ADCY8: variants seen among roughly 807,000 people sequenced by gnomAD.
ADCY8 encodes adenylate cyclase 8.
Under a neutral mutation model 119.7 loss-of-function variants are expected in ADCY8, and 51 were observed. That is an observed-to-expected ratio of 0.43 (90% CI 0.34 to 0.54). The LOEUF (loss-of-function observed/expected upper bound fraction) is 0.54. Among genes scored for constraint, ADCY8 ranks in the 20% least tolerant of loss-of-function variants. The pLI is 0.03. For synonymous variants in ADCY8, 665 were observed against 651.0 expected, an observed-to-expected ratio of 1.02 and a Z score of -0.33; for missense variants, 1,383 against 1,598.8, an observed-to-expected ratio of 0.87 and a Z score of 2.30.
At chr8:130,799,356 C>T (rs537407884) in intron 15 of ADCY8, among the ~76,000 whole-genome samples, 16 of 152,152 alleles carry the variant, frequency 1.1e-4, no homozygotes, top group African/African-American at 3.6e-4. Context: ...AATCATTCCA[C>T]GATGTACACA....
intron 2 of ADCY8, among the ~76,000 whole-genome samples, chr8:130,952,453 A>C (rs903080244): frequency 8.5e-5 from 13 of 152,194 alleles, no homozygotes; most frequent in African/African-American, 3.1e-4. Context: ...TGTGTAGTGC[A>C]ATGAGAAATC....
intron 7 of ADCY8, among the ~76,000 whole-genome samples, chr8:130,900,186 T>C (rs1232390523): frequency 6.6e-6 from 1 of 152,110 alleles, no homozygotes; most frequent in African/African-American, 2.4e-5. Flanking sequence ...AGAGCAAAAC[T>C]TGGATACCAG....
chr8:130,820,226 A>T (rs1295231395), intron 13 of ADCY8, among the ~76,000 whole-genome samples: 1 of 152,068 alleles, frequency 6.6e-6, no homozygotes, highest in African/African-American at 2.4e-5. Context: ...ATTACAAATA[A>T]CTTTAATTAT....
intron 7 of ADCY8, among the ~76,000 whole-genome samples, chr8:130,897,317 T>C (rs964297639): frequency 1.3e-5 from 2 of 152,122 alleles, no homozygotes; most frequent in African/African-American, 4.8e-5. Flanking sequence ...CCAGCTGGAA[T>C]TGGTGAAGAT....
At chr8:130,972,808 AT>A (rs1821961944) in intron 2 of ADCY8, among the ~76,000 whole-genome samples, 1 of 150,826 alleles carries the variant, frequency 6.6e-6, no homozygotes, top group African/African-American at 2.4e-5. Flanking sequence ...GTTTCAGTAC[AT>A]TTTCTAGCTG....
chr8:130,970,855 G>A (rs1459207047), intron 2 of ADCY8, among the ~76,000 whole-genome samples: 1 of 152,192 alleles, frequency 6.6e-6, no homozygotes, highest in East Asian at 1.9e-4. Context: ...GTTATTCTGA[G>A]TGTCCAATGA....
chr8:130,953,059 T>A (rs1821321373), intron 2 of ADCY8, among the ~76,000 whole-genome samples: 1 of 152,236 alleles, frequency 6.6e-6, no homozygotes, highest in African/African-American at 2.4e-5. Context: ...AATTAAATTC[T>A]AAAAAGTCTT....
intron 1 of ADCY8, among the ~76,000 whole-genome samples, chr8:131,028,271 C>G (rs550267135): frequency 5.2e-4 from 79 of 152,364 alleles, no homozygotes; most frequent in Non-Finnish European, 8.4e-4. Context: ...CACAGCTTCT[C>G]TCTGGCTGAG....
intron 1 of ADCY8, among the ~76,000 whole-genome samples, chr8:131,014,097 C>T (rs185759301): frequency 6.6e-6 from 1 of 152,236 alleles, no homozygotes; most frequent in Non-Finnish European, 1.5e-5. Context: ...AGTGGTCTCC[C>T]AATACTCCTT....
intron 2 of ADCY8, among the ~76,000 whole-genome samples, chr8:130,967,013 C>A (rs1219014436): frequency 6.6e-6 from 1 of 152,048 alleles, no homozygotes; most frequent in Non-Finnish European, 1.5e-5. Flanking sequence ...GAATAGACCT[C>A]ATATGTGAAA....
At chr8:130,969,839 A>T (rs913607856) in intron 2 of ADCY8, among the ~76,000 whole-genome samples, 3 of 152,232 alleles carry the variant, frequency 2.0e-5, no homozygotes, top group Non-Finnish European at 4.4e-5. Flanking sequence ...CTCAGAGAAG[A>T]TTAGGGACTT....
At chr8:130,873,356 T>C (rs1378817646) in intron 8 of ADCY8, among the ~76,000 whole-genome samples, 16 of 152,180 alleles carry the variant, frequency 1.1e-4, no homozygotes. Flanking sequence ...TTCACTCTTC[T>C]TGCCCAGGCT....
chr8:130,965,231 ATTCAGTC>A (rs1166447591), intron 2 of ADCY8, among the ~76,000 whole-genome samples: 4 of 152,164 alleles, frequency 2.6e-5, no homozygotes, highest in Admixed American at 6.6e-5. Context: ...GCTTTTGAGC[ATTCAGTC>A]ATAAGTTCTT....
chr8:130,804,530 G>T (rs1815882674), intron 14 of ADCY8, among the ~76,000 whole-genome samples: 1 of 152,138 alleles, frequency 6.6e-6, no homozygotes, highest in Non-Finnish European at 1.5e-5. Flanking sequence ...AGTCCATTAT[G>T]CCTATATTTT....
rs139394244 is a variant in ADCY8, at chr8:131,039,740, G to C, written c.594C>G (p.Val198=). The C allele has an allele frequency of 3.1e-6, 5 of 1,614,098 alleles. No homozygotes were observed. The East Asian group carries it at 6.7e-5, about 22-fold the overall frequency. Residue 198 remains valine, a synonymous_variant, in exon 1 of 18, where the codon GTC becomes GTG. Coordinates refer to ENST00000286355, the MANE Select transcript of ADCY8 (RefSeq NM_001115.3). ...GGGCCGAGGCCAGGCTCAAGTGTAGGACCAAGAGAGTGAGTTTGGTCAGCA... is the reference window on the plus strand; with the variant it reads ...GGGCCGAGGCCAGGCTCAAGTGTAGCACCAAGAGAGTGAGTTTGGTCAGCA... ...LDVLTKLTLL[V]LHLSLASAPM...
chr8:130,986,724 T>C (rs961217501), intron 2 of ADCY8, among the ~76,000 whole-genome samples: 1 of 152,202 alleles, frequency 6.6e-6, no homozygotes, highest in Non-Finnish European at 1.5e-5. Flanking sequence ...CATGCAATGA[T>C]TGAGATCCAG....
At chr8:131,001,090 C>G (rs754533987) in intron 1 of ADCY8, among the ~76,000 whole-genome samples, 3 of 152,098 alleles carry the variant, frequency 2.0e-5, no homozygotes, top group Non-Finnish European at 2.9e-5. Context: ...CTCAAGCACA[C>G]CATAATATCT....
At chr8:130,784,444 T>G (rs969025522) in intron 16 of ADCY8, among the ~76,000 whole-genome samples, 2 of 152,302 alleles carry the variant, frequency 1.3e-5, no homozygotes, top group Non-Finnish European at 2.9e-5. Flanking sequence ...AGGTATTGAA[T>G]GAGATTTTTT....
chr8:130,962,061 GAA>G (rs1821623206), intron 2 of ADCY8, among the ~76,000 whole-genome samples: 1 of 152,106 alleles, frequency 6.6e-6, no homozygotes, highest in Non-Finnish European at 1.5e-5. Context: ...GGGACACTTT[GAA>G]AATAAAATTT....
Sources: gnomAD v4.1 joint callset for allele counts (sites outside exome capture counted in the v4.1 genomes callset) on GRCh38, gnomAD v4.1.1 for gene constraint, MANE v1.5 for transcripts, NCBI Gene and HGNC (gene_info 2026-07-23, HGNC 2026-07-21) for gene names.